Variants in CTXN2 observed in about 807,000 individuals in gnomAD.
CTXN2 encodes the protein cortexin-2.
In CTXN2, 3 loss-of-function variants were observed where a neutral mutation model predicts 5.7. The ratio of observed to expected loss-of-function variants is 0.53; its 90% CI spans 0.24 to 1.36. The LOEUF (loss-of-function observed/expected upper bound fraction) is 1.36, where lower values mean the gene tolerates loss of function less well. Ranked by LOEUF, CTXN2 falls within the 40% of genes most tolerant of loss-of-function variation. The pLI is 0.17. For missense variants in CTXN2, 87 were observed against 93.0 expected (o/e 0.94, Z 0.26); for synonymous variants, 38 against 36.4 (o/e 1.04, Z -0.16).
intron 1 of CTXN2, among the ~76,000 whole-genome samples, chr15:48,199,846 A>G (rs1367336764): frequency 6.6e-6 from 1 of 152,174 alleles, no homozygotes; most frequent in Non-Finnish European, 1.5e-5. Flanking sequence ...AAGAAACTCA[A>G]CAGGGGTTTG....
rs2040945225 is a variant in CTXN2 at position 48,203,748 on chromosome 15, A to G, written c.*2202A>G. On this transcript the variant is annotated 3_prime_UTR_variant, in exon 2 of 2. Coordinates refer to ENST00000417307, the MANE Select transcript of CTXN2 (RefSeq NM_001145668.2). ...TCCAAATCCACTAAAGAAAAATTCTATTAACCAAAAGTGTCTTCATCTGTG... is the reference window on the plus strand; with the variant it reads ...TCCAAATCCACTAAAGAAAAATTCTGTTAACCAAAAGTGTCTTCATCTGTG... 1 of 165,802 alleles carries G rather than the reference A, an allele frequency of 6.0e-6. No individual in the cohort carries two copies. The highest frequency in any genetic ancestry group is 2.4e-5 in the African/African-American group (1 of 41,414). The allele number at this position is 165,802 out of a possible 1,614,324, so 10.3% of individuals were successfully genotyped here. A position where few individuals can be genotyped will look rare whatever the true frequency, so the allele number is the denominator to read the frequency against.
intron 1 of CTXN2, among the ~76,000 whole-genome samples, chr15:48,184,158 T>C (rs1365458604): frequency 1.3e-5 from 2 of 152,204 alleles, no homozygotes. Flanking sequence ...TACTGACTTT[T>C]AGGTAGTGTA....
At chr15:48,181,762 A>G (rs939848578) in intron 1 of CTXN2, among the ~76,000 whole-genome samples, 2 of 152,198 alleles carry the variant, frequency 1.3e-5, no homozygotes, top group Non-Finnish European at 1.5e-5. Context: ...AACTCAAAAA[A>G]GAAAAAAGAA....
intron 1 of CTXN2, among the ~76,000 whole-genome samples, chr15:48,200,759 C>G (rs1210902608): frequency 1.3e-5 from 2 of 152,018 alleles, no homozygotes; most frequent in Non-Finnish European, 2.9e-5. Flanking sequence ...AGAAAGAAGT[C>G]ATTATATCTG....
chr15:48,178,855 TG>T (rs981445924), intron 1 of CTXN2, among the ~76,000 whole-genome samples: 1 of 152,122 alleles, frequency 6.6e-6, no homozygotes, highest in African/African-American at 2.4e-5. Flanking sequence ...GAGAATTATT[TG>T]TTCTTAGGGG....
Position 48,201,689 on chromosome 15 carries a change from G to A in CTXN2, c.*143G>A. 2 of 799,626 alleles carry A rather than the reference G, an allele frequency of 2.5e-6. No homozygotes were observed. The highest frequency in any genetic ancestry group is 3.7e-5 in the South Asian group (2 of 53,408). 49.5% of individuals were successfully genotyped at this position (799,626 alleles called of 1,614,324 possible). ...CTGTGACTAATTTCTTCACCATGCT[G>A]TGTAAATGATAAACTATTGTTGGGA... On this transcript the variant is annotated 3_prime_UTR_variant, in exon 2 of 2. Coordinates refer to ENST00000417307, the MANE Select transcript of CTXN2 (RefSeq NM_001145668.2).
At chr15:48,184,643 A>G (rs977163238) in intron 1 of CTXN2, among the ~76,000 whole-genome samples, 13 of 152,168 alleles carry the variant, frequency 8.5e-5, no homozygotes, top group African/African-American at 2.7e-4. Flanking sequence ...CACTGACAAC[A>G]CTAAATGTTG....
At chr15:48,178,540 A>T in intron 1 of CTXN2, 1 of 329,988 alleles carries the variant, frequency 3.0e-6, no homozygotes, top group Non-Finnish European at 5.4e-6. Context: ...TGGTGGTGCC[A>T]TGTCTGCCCA....
At chr15:48,194,852 T>G (rs2040861865) in intron 1 of CTXN2, among the ~76,000 whole-genome samples, 1 of 152,186 alleles carries the variant, frequency 6.6e-6, no homozygotes, top group African/African-American at 2.4e-5. Context: ...TTGTCCTTCT[T>G]GGTCTTCCCT....
intron 1 of CTXN2, among the ~76,000 whole-genome samples, chr15:48,184,404 A>G (rs2040728442): frequency 6.6e-6 from 1 of 152,208 alleles, no homozygotes; most frequent in Non-Finnish European, 1.5e-5. Flanking sequence ...ACAAAATCAT[A>G]CATTAAAAAT....
At chr15:48,181,672 TA>T in intron 1 of CTXN2, among the ~76,000 whole-genome samples, 1 of 152,172 alleles carries the variant, frequency 6.6e-6, no homozygotes, top group Non-Finnish European at 1.5e-5. Context: ...CAATAGCTTC[TA>T]AAAATACTTC....
chr15:48,193,695 A>G (rs2040848741), intron 1 of CTXN2, among the ~76,000 whole-genome samples: 2 of 152,132 alleles, frequency 1.3e-5, no homozygotes, highest in South Asian at 4.1e-4. Flanking sequence ...CACCTTAGTA[A>G]TTGTGAATGA....
upstream of CTXN2, among the ~76,000 whole-genome samples, chr15:48,191,262 G>C (rs1056326747): frequency 2.1e-4 from 32 of 152,216 alleles, no homozygotes; most frequent in African/African-American, 7.7e-4. Context: ...CCAAAGCACA[G>C]CAAAATGCCC....
At chr15:48,200,847 G>A (rs2040922398) in intron 1 of CTXN2, among the ~76,000 whole-genome samples, 1 of 152,124 alleles carries the variant, frequency 6.6e-6, no homozygotes, top group Admixed American at 6.5e-5. Context: ...AACAGCTTGA[G>A]CAGCTTACAT....
At chr15:48,181,484 T>C (rs2040701560) in intron 1 of CTXN2, among the ~76,000 whole-genome samples, 1 of 152,126 alleles carries the variant, frequency 6.6e-6, no homozygotes, top group African/African-American at 2.4e-5. Flanking sequence ...GGTTGGCAAA[T>C]AATTTGGGGG....
intron 1 of CTXN2, among the ~76,000 whole-genome samples, chr15:48,183,710 A>T (rs2040721587): frequency 6.6e-6 from 1 of 152,238 alleles, no homozygotes; most frequent in South Asian, 2.1e-4. Flanking sequence ...CTTGTGACTT[A>T]TCTTATTCTC....
At chr15:48,198,164 G>A (rs1036072854) in intron 1 of CTXN2, among the ~76,000 whole-genome samples, 1 of 152,108 alleles carries the variant, frequency 6.6e-6, no homozygotes, top group Non-Finnish European at 1.5e-5. Flanking sequence ...GTAAGTCTGA[G>A]AATGCTAAGT....
At chr15:48,188,122 T>G (rs921152351), upstream of CTXN2, among the ~76,000 whole-genome samples, 2 of 152,044 alleles carry the variant, frequency 1.3e-5, no homozygotes, top group East Asian at 1.9e-4. Context: ...CCACTTCTGA[T>G]TTTATGAGGA....
chr15:48,185,821 C>G (rs142055609), intron 1 of CTXN2, among the ~76,000 whole-genome samples: 162 of 152,300 alleles, frequency 1.1e-3, no homozygotes, highest in African/African-American at 3.9e-3. Flanking sequence ...TATAGGACTA[C>G]TTTCCTCCAC....
Sources: gnomAD v4.1 joint callset for allele counts (sites outside exome capture counted in the v4.1 genomes callset) on GRCh38, gnomAD v4.1.1 for gene constraint, MANE v1.5 for transcripts, NCBI Gene and HGNC (gene_info 2026-07-23, HGNC 2026-07-21) for gene names.